Variants in JPH2 observed in about 807,000 individuals in gnomAD.
JPH2 encodes junctophilin 2.
JPH2 carries 38 observed loss-of-function variants against 55.9 expected under a neutral mutation model. The observed-to-expected ratio is 0.68, with a 90% CI of 0.52 to 0.89. JPH2 has a LOEUF of 0.89. JPH2 is among the 40% of genes least tolerant of loss of function. The pLI is 0.00. For missense variants in JPH2, 964 were observed against 1,037.6 expected (o/e 0.93, Z 0.97); for synonymous variants, 480 against 472.4 (o/e 1.02, Z -0.21).
At chr20:44,114,977 A>G (rs1351951907) in intron 4 of JPH2, 101 bp from the exon 5 acceptor site, 6 of 877,202 alleles carry the variant, frequency 6.8e-6, no homozygotes, top group Non-Finnish European at 1.1e-5. Context: ...TTCTGGATGG[A>G]CCTTCCTAAG....
In JPH2 at chr20:44,134,878, A is replaced by ATATATATTAATATATATATT. The variant is rs1235631605; in HGVS notation, c.1170-16256_1170-16255insAATATATATATTAATATATA. 8.0e-4 allele frequency among the ~76,000 whole-genome samples: 10 copies of ATATATATTAATATATATATT among 12,538 alleles called. No homozygotes were observed. The Admixed American group carries it at 0.014, about 17-fold the overall frequency. The allele number at this position is 12,538 out of a possible 152,430, so 8.2% of individuals were successfully genotyped here. On this transcript the variant is annotated intron_variant, in intron 2 of 5. Coordinates refer to ENST00000372980, the MANE Select transcript of JPH2 (RefSeq NM_020433.5). Reference sequence around the variant, plus strand: ...AATATATATATAAATATATATATTTATATATATATTAATATATATTTATAT... The same window carrying ATATATATTAATATATATATT: ...AATATATATATAAATATATATATTTATATATATTAATATATATATTTATATATATTAATATATATTTATAT...
At chr20:44,118,680 C>T (rs1286658988) in intron 2 of JPH2, 57 bp from the exon 3 acceptor site, 1 of 1,343,678 alleles carries the variant, frequency 7.4e-7, no homozygotes, top group Non-Finnish European at 1.1e-6. Flanking sequence ...AGCCTTCTGC[C>T]CCTTCTCCCC....
At chr20:44,166,047 G>A (rs900332771) in intron 1 of JPH2, among the ~76,000 whole-genome samples, 3 of 152,064 alleles carry the variant, frequency 2.0e-5, no homozygotes, top group Non-Finnish European at 4.4e-5. Context: ...GTTCACTGTG[G>A]TATCCTCAGT....
chr20:44,130,116 A>G (rs566431587), intron 2 of JPH2, among the ~76,000 whole-genome samples: 1 of 152,350 alleles, frequency 6.6e-6, no homozygotes, highest in South Asian at 2.1e-4. Flanking sequence ...GTCATCCTCA[A>G]GATGATGCAC....
chr20:44,156,774 T>C (rs533166874), intron 2 of JPH2, among the ~76,000 whole-genome samples: 1 of 152,344 alleles, frequency 6.6e-6, no homozygotes, highest in Non-Finnish European at 1.5e-5. Context: ...CACGTCTTAA[T>C]GTTACAATGA....
intron 1 of JPH2, among the ~76,000 whole-genome samples, chr20:44,173,900 G>C (rs1210404826): frequency 6.6e-6 from 1 of 152,166 alleles, no homozygotes. Context: ...GCGACTGAGA[G>C]AGACTCCGAC....
chr20:44,125,729 C>T (rs1365589022), intron 2 of JPH2, among the ~76,000 whole-genome samples: 5 of 152,208 alleles, frequency 3.3e-5, no homozygotes, highest in African/African-American at 1.2e-4. Context: ...GAGGCGGTAA[C>T]TCTGGCCAGA....
chr20:44,141,883 G>A (rs144553931), intron 2 of JPH2, among the ~76,000 whole-genome samples: 9 of 152,206 alleles, frequency 5.9e-5, no homozygotes, highest in Non-Finnish European at 8.8e-5. Context: ...CAGGACCCAT[G>A]GGTAGAAACT....
chr20:44,146,938 C>A (rs567189701), intron 2 of JPH2, among the ~76,000 whole-genome samples: 1 of 152,112 alleles, frequency 6.6e-6, no homozygotes, highest in Admixed American at 6.5e-5. Context: ...TTCTTTTTGA[C>A]CCCAAAATTC....
chr20:44,118,450 AG>A, intron 3 of JPH2, 54 bp downstream of exon 3: 3 of 1,385,858 alleles, frequency 2.2e-6, no homozygotes, highest in Non-Finnish European at 3.1e-6. Context: ...AGCAAAGAAA[AG>A]CGCCCACCCT....
intron 1 of JPH2, chr20:44,177,953 A>T: frequency 7.8e-7 from 1 of 1,285,178 alleles, no homozygotes; most frequent in Non-Finnish European, 1.1e-6. Context: ...CCATATTCTG[A>T]GGGCGATTTT....
At chr20:44,144,833 G>T (rs2072482152) in intron 2 of JPH2, among the ~76,000 whole-genome samples, 1 of 152,220 alleles carries the variant, frequency 6.6e-6, no homozygotes, top group South Asian at 2.1e-4. Flanking sequence ...GAGGCTGGCA[G>T]GCAGTGGTGA....
intron 2 of JPH2, among the ~76,000 whole-genome samples, chr20:44,123,818 G>A (rs751701622): frequency 9.2e-5 from 14 of 152,216 alleles, no homozygotes; most frequent in East Asian, 3.9e-4. Context: ...TGAGAAGCAC[G>A]TGTTCGGCGG....
intron 2 of JPH2, among the ~76,000 whole-genome samples, chr20:44,123,207 T>C (rs965725188): frequency 2.0e-5 from 3 of 152,162 alleles, no homozygotes; most frequent in Admixed American, 6.5e-5. Flanking sequence ...CCCTGTCCCA[T>C]GCTCCCAATC....
At chr20:44,129,236 A>T (rs1406251045) in intron 2 of JPH2, among the ~76,000 whole-genome samples, 2 of 152,134 alleles carry the variant, frequency 1.3e-5, no homozygotes, top group African/African-American at 4.8e-5. Flanking sequence ...CTCTCAGCCT[A>T]GAAGACCGGG....
At chr20:44,174,511 C>T (rs1370302859) in intron 1 of JPH2, among the ~76,000 whole-genome samples, 6 of 152,182 alleles carry the variant, frequency 3.9e-5, no homozygotes, top group Non-Finnish European at 8.8e-5. Flanking sequence ...CAGTGGCTCA[C>T]GCCTGCAATC....
intron 2 of JPH2, among the ~76,000 whole-genome samples, chr20:44,152,430 C>T (rs1457632205): frequency 2.0e-5 from 3 of 152,144 alleles, no homozygotes; most frequent in Middle Eastern, 3.2e-3. Flanking sequence ...AATCCCAGCT[C>T]TTAGGGAGAC....
chr20:44,160,257 G>C lies in JPH2; in HGVS notation c.530C>G (p.Pro177Arg). 6.5e-7 allele frequency: 1 copy of C among 1,528,874 alleles called. No homozygotes were observed. Among genetic ancestry groups the C allele is most frequent in the South Asian group, 1.2e-5 (1 of 83,504 alleles). The allele number at this position is 1,528,874 out of a possible 1,614,324, so 94.7% of individuals were successfully genotyped here. ...RSEHSNGTVA[P>R]DSPASPASDG... ...GGAGGCCGGCGAGGCGGGAGAGTCC[G>C]GGGCCACCGTGCCGTTGCTGTGCTC... The change falls in exon 2 of 6, where the codon CCG (proline) becomes CGG (arginine). Residue 177 changes from proline (P) to arginine (R), a missense_variant. Coordinates refer to ENST00000372980, the MANE Select transcript of JPH2 (RefSeq NM_020433.5). The surrounding 1 kb of genome is among the most constrained non-coding windows in gnomAD (Gnocchi z 4.9).
chr20:44,144,874 G>A (rs932135108), intron 2 of JPH2, among the ~76,000 whole-genome samples: 1 of 152,214 alleles, frequency 6.6e-6, no homozygotes, highest in African/African-American at 2.4e-5. Flanking sequence ...CCCTGTCCAT[G>A]CCAGGCACTG....
Sources: allele counts gnomAD v4.1 joint callset (sites outside exome capture counted in the v4.1 genomes callset), GRCh38; gene constraint gnomAD v4.1.1; non-coding constraint Gnocchi (gnomAD v3.1); transcripts MANE v1.5; gene names NCBI Gene and HGNC (gene_info 2026-07-23, HGNC 2026-07-21).